Variants in GRAMD1B observed in about 807,000 individuals in gnomAD.
The protein encoded by GRAMD1B is protein Aster-B.
A neutral mutation model predicts 99.7 loss-of-function variants in GRAMD1B; 37 were observed. The ratio of observed to expected loss-of-function variants is 0.37; its 90% CI spans 0.29 to 0.49. GRAMD1B has a LOEUF of 0.49. Ranked by LOEUF, GRAMD1B falls within the 20% of genes least tolerant of loss-of-function variation. The pLI is 0.98. For missense variants in GRAMD1B, 888 were observed against 1,009.2 expected (o/e 0.88, Z 1.63); for synonymous variants, 427 against 387.6 (o/e 1.10, Z -1.19).
chr11:123,490,473 A>G (rs1413845153), intron 2 of GRAMD1B, among the ~76,000 whole-genome samples: 1 of 152,240 alleles, frequency 6.6e-6, no homozygotes, highest in African/African-American at 2.4e-5. Flanking sequence ...TGCTTATGAA[A>G]AAATTGCTTA....
At chr11:123,375,879 A>T (rs1946676445) in intron 1 of GRAMD1B, among the ~76,000 whole-genome samples, 1 of 152,210 alleles carries the variant, frequency 6.6e-6, no homozygotes, top group Non-Finnish European at 1.5e-5. Flanking sequence ...TCAGATATTT[A>T]CTGAGCGCCT....
chr11:123,548,170 G>T lies in GRAMD1B; in HGVS notation c.453-29197G>T, dbSNP rs115141551. Among the ~76,000 whole-genome samples, 549 of 151,672 alleles carry T rather than the reference G, an allele frequency of 3.6e-3. 2 individuals are homozygous for T. Among genetic ancestry groups the T allele is most frequent in the African/African-American group, 0.013 (517 of 41,296 alleles). ...TGCTAGGATGTCATAGCTTGTGCCC[G>T]TGGGTGAGTCGGTGTCTGCAGCTTG... On this transcript the variant is annotated intron_variant, in intron 2 of 19. Coordinates refer to ENST00000635736, the MANE Select transcript of GRAMD1B (RefSeq NM_001387025.1).
Position 123,623,270 on chromosome 11 carries a change from C to T in GRAMD1B, c.*675C>T, listed in dbSNP as rs763942518. On this transcript the variant is annotated 3_prime_UTR_variant, in exon 20 of 20. Coordinates refer to ENST00000635736, the MANE Select transcript of GRAMD1B (RefSeq NM_001387025.1). ...CCTCCATCACCCCTGCACCTTCCTC[C>T]GACCTGTGTAGGGTGTGGACCCAGT... The T allele has an allele frequency of 5.3e-5, 8 of 152,252 alleles. No homozygotes were observed. Among genetic ancestry groups the T allele is most frequent in the South Asian group, 2.1e-4 (1 of 4,822 alleles). The allele number at this position is 152,252 out of a possible 1,614,324, so 9.4% of individuals were successfully genotyped here.
rs1555043338 is a variant in GRAMD1B at position 123,492,894 on chromosome 11, ACG to A, written c.452+12003_452+12004del. Among the ~76,000 whole-genome samples, 1 of 151,208 alleles carries A rather than the reference ACG, an allele frequency of 6.6e-6. No individual in the cohort carries two copies. Among genetic ancestry groups the A allele is most frequent in the Non-Finnish European group, 1.5e-5 (1 of 67,702 alleles). ...CACACACACACACACACACACACAC[ACG>A]CATAGGCATAGATGCCTGTGATTGT... On this transcript the variant is annotated intron_variant, in intron 2 of 19. Transcript: ENST00000635736. The surrounding 1 kb of genome is among the most constrained non-coding windows in gnomAD (Gnocchi z 4.2).
At chr11:123,419,297 T>C (rs1205095871) in intron 1 of GRAMD1B, among the ~76,000 whole-genome samples, 1 of 152,162 alleles carries the variant, frequency 6.6e-6, no homozygotes, top group Admixed American at 6.5e-5. Flanking sequence ...CTCTGGGCTT[T>C]ACCACCTATA....
intron 1 of GRAMD1B, among the ~76,000 whole-genome samples, chr11:123,391,663 T>C (rs1313706930): frequency 1.6e-4 from 24 of 152,020 alleles, no homozygotes; most frequent in Admixed American, 1.5e-3. Context: ...ACCATGTTGG[T>C]CAGGCTGGTC....
chr11:123,518,008 G>T (rs1051544680), intron 2 of GRAMD1B, among the ~76,000 whole-genome samples: 3 of 152,128 alleles, frequency 2.0e-5, no homozygotes, highest in Non-Finnish European at 4.4e-5. Context: ...GAGCCACGGG[G>T]GTGATTAGAA....
At chr11:123,529,752 A>G (rs926792968) in intron 2 of GRAMD1B, among the ~76,000 whole-genome samples, 1 of 152,178 alleles carries the variant, frequency 6.6e-6, no homozygotes, top group African/African-American at 2.4e-5. Context: ...TAATTCCTGT[A>G]GAGCCTTGGA....
intron 1 of GRAMD1B, among the ~76,000 whole-genome samples, chr11:123,405,436 A>G (rs1002030016): frequency 6.6e-6 from 1 of 152,112 alleles, no homozygotes. Flanking sequence ...GGAGATAAAG[A>G]CTTGCTATTT....
intron 11 of GRAMD1B, chr11:123,608,051 T>C (rs577893542): frequency 6.3e-6 from 1 of 159,620 alleles, no homozygotes; most frequent in African/African-American, 2.4e-5. Flanking sequence ...TGAATTCTTA[T>C]TTTGCTATAT....
chr11:123,437,320 C>T (rs543910785), intron 1 of GRAMD1B, among the ~76,000 whole-genome samples: 4 of 152,242 alleles, frequency 2.6e-5, no homozygotes, highest in Admixed American at 6.5e-5. Context: ...GGATTGGAAC[C>T]CTTCTCTGAA....
At chr11:123,520,491 G>T (rs1278987277) in intron 2 of GRAMD1B, among the ~76,000 whole-genome samples, 3 of 151,950 alleles carry the variant, frequency 2.0e-5, no homozygotes, top group Non-Finnish European at 2.9e-5. Flanking sequence ...TAATATATAG[G>T]GGGGCGCGAT....
intron 1 of GRAMD1B, among the ~76,000 whole-genome samples, chr11:123,468,079 G>A (rs1565524308): frequency 6.6e-6 from 1 of 151,994 alleles, no homozygotes; most frequent in Non-Finnish European, 1.5e-5. Flanking sequence ...GGCCAGGATG[G>A]TCTTAATCTC....
At chr11:123,523,142 G>A (rs1942358999) in intron 2 of GRAMD1B, among the ~76,000 whole-genome samples, 1 of 152,150 alleles carries the variant, frequency 6.6e-6, no homozygotes, top group Non-Finnish European at 1.5e-5. Flanking sequence ...GACCAGCCTG[G>A]TCAACATGGT....
At chr11:123,516,547 G>A (rs1003077136) in intron 2 of GRAMD1B, among the ~76,000 whole-genome samples, 1 of 152,186 alleles carries the variant, frequency 6.6e-6, no homozygotes, top group Non-Finnish European at 1.5e-5. Context: ...CATAAAGGAT[G>A]ATGACAAATA....
intron 1 of GRAMD1B, among the ~76,000 whole-genome samples, chr11:123,410,634 C>T (rs1383819544): frequency 6.6e-6 from 1 of 152,092 alleles, no homozygotes; most frequent in Admixed American, 6.6e-5. Flanking sequence ...AGCAGTGCAG[C>T]CATGTCTTCT....
chr11:123,446,729 G>C (rs926375623), intron 1 of GRAMD1B, among the ~76,000 whole-genome samples: 11 of 152,090 alleles, frequency 7.2e-5, no homozygotes, highest in African/African-American at 2.7e-4. Flanking sequence ...GACACTTATT[G>C]TGCGCTTACT....
rs183579187 is a variant in GRAMD1B, at chr11:123,619,944, T to C, written c.2544+720T>C. On this transcript the variant is annotated intron_variant, in intron 19 of 19. Transcript: ENST00000635736. ...AGGATTTATCCTGCTACATGACAAC[T>C]TCTCTCCCTAAAGAGTTGCCTTTCT... 4.6e-4 allele frequency among the ~76,000 whole-genome samples: 70 copies of C among 152,304 alleles called. 1 individual carries two copies. Among genetic ancestry groups the C allele is most frequent in the Non-Finnish European group, 7.1e-4 (48 of 68,032 alleles).
At chr11:123,500,742 G>A (rs765789478) in intron 2 of GRAMD1B, among the ~76,000 whole-genome samples, 8 of 151,874 alleles carry the variant, frequency 5.3e-5, no homozygotes, top group South Asian at 2.1e-4. Flanking sequence ...GCGCGATCGC[G>A]GCTTACTGCA....
Sources: allele counts gnomAD v4.1 joint callset (sites outside exome capture counted in the v4.1 genomes callset), GRCh38; gene constraint gnomAD v4.1.1; non-coding constraint Gnocchi (gnomAD v3.1); transcripts MANE v1.5; gene names NCBI Gene and HGNC (gene_info 2026-07-23, HGNC 2026-07-21).